ANGPT1: variants seen among roughly 807,000 people sequenced by gnomAD.
ANGPT1 encodes the protein angiopoietin-1.
ANGPT1 carries 17 observed loss-of-function variants against 62.2 expected under a neutral mutation model. That is an observed-to-expected ratio of 0.27 (90% CI 0.19 to 0.41). The LOEUF (loss-of-function observed/expected upper bound fraction) is 0.41, where lower values mean the gene tolerates loss of function less well. Ranked by LOEUF, ANGPT1 falls within the 10% of genes least tolerant of loss-of-function variation. The probability of loss-of-function intolerance (pLI) is 1.00; values close to 1 mark genes in which losing one functional copy is unlikely to be tolerated. For synonymous variants in ANGPT1, 199 were observed against 198.9 expected (o/e 1.00, Z 0.00); for missense variants, 478 against 594.9 (o/e 0.80, Z 2.04).
At chr8:107,384,147 G>A (rs1816690092) in intron 1 of ANGPT1, among the ~76,000 whole-genome samples, 1 of 152,074 alleles carries the variant, frequency 6.6e-6, no homozygotes, top group Admixed American at 6.6e-5. Context: ...GGTTCAGCTT[G>A]CAAGTCTTGA....
At chr8:107,431,450 G>A (rs1465621751) in intron 1 of ANGPT1, among the ~76,000 whole-genome samples, 1 of 152,142 alleles carries the variant, frequency 6.6e-6, no homozygotes. Flanking sequence ...AAGCTAAAGT[G>A]ACTTCATCTT....
chr8:107,478,206 C>T (rs1343213172), intron 1 of ANGPT1, among the ~76,000 whole-genome samples: 1 of 150,636 alleles, frequency 6.6e-6, no homozygotes, highest in Non-Finnish European at 1.5e-5. Flanking sequence ...TGTTTTACAT[C>T]ACTCCTGCTT....
At chr8:107,268,187 G>C (rs951036259) in intron 7 of ANGPT1, among the ~76,000 whole-genome samples, 12 of 152,080 alleles carry the variant, frequency 7.9e-5, no homozygotes, top group African/African-American at 2.9e-4. Flanking sequence ...TCATTGACTA[G>C]ATGGATGATG....
chr8:107,453,189 T>C (rs1811823230), intron 1 of ANGPT1, among the ~76,000 whole-genome samples: 1 of 152,100 alleles, frequency 6.6e-6, no homozygotes, highest in Non-Finnish European at 1.5e-5. Context: ...TTTGGACCTC[T>C]GTATTATTAT....
chr8:107,288,319 T>G (rs1814193089), intron 6 of ANGPT1, among the ~76,000 whole-genome samples: 1 of 152,188 alleles, frequency 6.6e-6, no homozygotes, highest in South Asian at 2.1e-4. Context: ...TTCCAAGTAC[T>G]TAAGTATCTG....
At chr8:107,268,978 C>T (rs540693514) in intron 7 of ANGPT1, among the ~76,000 whole-genome samples, 3 of 152,184 alleles carry the variant, frequency 2.0e-5, no homozygotes, top group Non-Finnish European at 4.4e-5. Context: ...CACAGAGGAG[C>T]GGCTTATGCT....
chr8:107,278,305 A>T (rs1000841434), intron 7 of ANGPT1, among the ~76,000 whole-genome samples: 9 of 152,116 alleles, frequency 5.9e-5, no homozygotes, highest in African/African-American at 2.2e-4. Flanking sequence ...GCTGATGTCA[A>T]ACTCCTGACC....
intron 1 of ANGPT1, among the ~76,000 whole-genome samples, chr8:107,437,498 G>T (rs1318137121): frequency 6.6e-6 from 1 of 152,156 alleles, no homozygotes; most frequent in African/African-American, 2.4e-5. Flanking sequence ...TGGTTTCAAG[G>T]CAATTATATT....
At chr8:107,309,796 T>C (rs1814806043) in intron 4 of ANGPT1, among the ~76,000 whole-genome samples, 1 of 152,192 alleles carries the variant, frequency 6.6e-6, no homozygotes, top group African/African-American at 2.4e-5. Context: ...ATGACTGTTT[T>C]TAACCTACAA....
intron 7 of ANGPT1, among the ~76,000 whole-genome samples, chr8:107,267,068 C>T (rs192736487): frequency 4.6e-4 from 70 of 151,930 alleles, no homozygotes; most frequent in South Asian, 6.2e-4. Context: ...TAAATATATA[C>T]GTATCTGAAC....
At chr8:107,459,645 C>T (rs577215869) in intron 1 of ANGPT1, among the ~76,000 whole-genome samples, 1 of 152,144 alleles carries the variant, frequency 6.6e-6, no homozygotes, top group African/African-American at 2.4e-5. Context: ...CAAAGATGAC[C>T]ATTTTCACTT....
intron 1 of ANGPT1, among the ~76,000 whole-genome samples, chr8:107,387,213 A>C (rs1816748532): frequency 6.6e-6 from 1 of 152,122 alleles, no homozygotes; most frequent in Admixed American, 6.6e-5. Context: ...GGAAGATACT[A>C]AGGATCAAAG....
At chr8:107,429,743 G>A (rs886833452) in intron 1 of ANGPT1, among the ~76,000 whole-genome samples, 2 of 151,930 alleles carry the variant, frequency 1.3e-5, no homozygotes, top group Admixed American at 1.3e-4. Context: ...GAAATTCCTG[G>A]AGTGTGGTCA....
intron 6 of ANGPT1, among the ~76,000 whole-genome samples, chr8:107,290,776 G>A (rs6999380): frequency 0.23 from 34,285 of 152,050 alleles, 4,438 homozygotes; most frequent in Middle Eastern, 0.36. Context: ...TTTTAAAAAA[G>A]GGAGGAGGGG....
At chr8:107,348,296 G>T (rs575790948) in intron 1 of ANGPT1, among the ~76,000 whole-genome samples, 2 of 152,130 alleles carry the variant, frequency 1.3e-5, no homozygotes, top group African/African-American at 4.8e-5. Flanking sequence ...ATAATCCATA[G>T]TAAAATTATT....
Position 107,323,505 on chromosome 8 carries a change from G to A in ANGPT1, c.576-1377C>T, listed in dbSNP as rs542981881. Among the ~76,000 whole-genome samples, 9 of 152,214 alleles carry A rather than the reference G, an allele frequency of 5.9e-5. No individual in the cohort carries two copies. In the South Asian group the frequency reaches 1.9e-3, roughly 32 times the overall value. On this transcript the variant is annotated intron_variant, in intron 3 of 8. Coordinates refer to ENST00000517746, the MANE Select transcript of ANGPT1 (RefSeq NM_001146.5). ...GCCAAATCTTCCAACACCAGGTACT[G>A]GGGGACAAAGTGTAACATCTGATTG...
intron 1 of ANGPT1, among the ~76,000 whole-genome samples, chr8:107,444,862 T>C (rs1811573032): frequency 6.6e-6 from 1 of 152,126 alleles, no homozygotes; most frequent in Non-Finnish European, 1.5e-5. Flanking sequence ...GGCAGGGCAC[T>C]CCAGAGACCA....
At chr8:107,484,791 ACAG>A (rs1812775398) in intron 1 of ANGPT1, among the ~76,000 whole-genome samples, 2 of 152,234 alleles carry the variant, frequency 1.3e-5, no homozygotes, top group African/African-American at 4.8e-5. Flanking sequence ...GCCGAAAGCA[ACAG>A]CAATTTCTTT....
At chr8:107,487,853 C>A (rs1812854333) in intron 1 of ANGPT1, among the ~76,000 whole-genome samples, 1 of 152,160 alleles carries the variant, frequency 6.6e-6, no homozygotes, top group Non-Finnish European at 1.5e-5. Flanking sequence ...GTAGATCTAA[C>A]AAATCATCAG....
Sources: gnomAD v4.1 joint callset for allele counts (sites outside exome capture counted in the v4.1 genomes callset) on GRCh38, gnomAD v4.1.1 for gene constraint, MANE v1.5 for transcripts, NCBI Gene and HGNC (gene_info 2026-07-23, HGNC 2026-07-21) for gene names.